The following INSYN2B variants were observed in gnomAD, a reference collection of about 807,000 sequenced individuals.
The protein encoded by INSYN2B is inhibitory synaptic factor family member 2B.
INSYN2B carries 16 observed loss-of-function variants against 41.2 expected under a neutral mutation model. The ratio of observed to expected loss-of-function variants is 0.39; its 90% CI spans 0.26 to 0.59. The LOEUF (loss-of-function observed/expected upper bound fraction) is 0.59, where lower values mean the gene tolerates loss of function less well. Ranked by LOEUF, INSYN2B falls within the 20% of genes least tolerant of loss-of-function variation. The pLI, the probability that INSYN2B is intolerant of heterozygous loss-of-function variation, is 0.57. For synonymous variants in INSYN2B, 245 were observed against 244.4 expected, an observed-to-expected ratio of 1.00 and a Z score of -0.02; for missense variants, 608 against 646.4, an observed-to-expected ratio of 0.94 and a Z score of 0.64.
intron 1 of INSYN2B, among the ~76,000 whole-genome samples, chr5:169,964,800 T>G (rs188086769): frequency 2.0e-5 from 3 of 152,348 alleles, no homozygotes; most frequent in Admixed American, 2.0e-4. Flanking sequence ...AAAAGGTGTA[T>G]AATAATGGCA....
chr5:169,965,978 A>G (rs994802845), intron 1 of INSYN2B, among the ~76,000 whole-genome samples: 9 of 152,186 alleles, frequency 5.9e-5, no homozygotes, highest in Non-Finnish European at 8.8e-5. Context: ...GGGACCTTGG[A>G]GACTCAAAGG....
At chr5:169,873,364 G>A (rs1258297789) in intron 3 of INSYN2B, among the ~76,000 whole-genome samples, 2 of 152,202 alleles carry the variant, frequency 1.3e-5, no homozygotes, top group Admixed American at 6.5e-5. Context: ...CATTTAAGCT[G>A]TGTTTGCTAT....
intron 1 of INSYN2B, among the ~76,000 whole-genome samples, chr5:169,954,925 A>C (rs1221417415): frequency 6.6e-6 from 1 of 152,202 alleles, no homozygotes; most frequent in Admixed American, 6.5e-5. Flanking sequence ...AGACGTTTTC[A>C]CCAGCTGTTA....
intron 1 of INSYN2B, among the ~76,000 whole-genome samples, chr5:169,979,573 C>T (rs1365582690): frequency 6.6e-6 from 1 of 152,136 alleles, no homozygotes; most frequent in African/African-American, 2.4e-5. Flanking sequence ...TCATTCACAT[C>T]GGTGTGATTT....
At chr5:169,886,319 A>G (rs1772968752) in intron 1 of INSYN2B, among the ~76,000 whole-genome samples, 1 of 152,192 alleles carries the variant, frequency 6.6e-6, no homozygotes, top group Non-Finnish European at 1.5e-5. Context: ...AGATGAACCT[A>G]CTGGTCCCGA....
chr5:169,907,099 A>G (rs1055441761), intron 1 of INSYN2B, among the ~76,000 whole-genome samples: 1 of 152,138 alleles, frequency 6.6e-6, no homozygotes, highest in African/African-American at 2.4e-5. Flanking sequence ...GGTTTTAGGA[A>G]CGCCAGTTGA....
chr5:169,975,449 G>C (rs1358848291), intron 1 of INSYN2B, among the ~76,000 whole-genome samples: 1 of 152,152 alleles, frequency 6.6e-6, no homozygotes, highest in Non-Finnish European at 1.5e-5. Flanking sequence ...GGATCAGACT[G>C]CTGCCTGTCT....
Position 169,883,083 on chromosome 5 carries a change from C to T in INSYN2B, c.816G>A (p.Glu272=). Residue 272 remains glutamate, a synonymous_variant, in exon 2 of 4, where the codon GAG becomes GAA. Transcript: ENST00000377365. ...TSVASHTPGT[E]ELKPELLLPK... ...GCAAAAGCAATTCAGGTTTAAGTTC[C>T]TCTGTGCCTGGTGTGTGGCTGGCAA... The T allele has an allele frequency of 1.3e-6, 2 of 1,551,606 alleles. No homozygotes were observed. Among genetic ancestry groups the T allele is most frequent in the Non-Finnish European group, 1.7e-6 (2 of 1,146,954 alleles).
intron 1 of INSYN2B, among the ~76,000 whole-genome samples, chr5:169,900,133 C>G (rs943105455): frequency 7.9e-5 from 12 of 152,196 alleles, no homozygotes; most frequent in Admixed American, 7.2e-4. Flanking sequence ...ATCAGGAACA[C>G]CTCCAAGCTC....
chr5:169,910,304 T>A (rs1774523225), intron 1 of INSYN2B, among the ~76,000 whole-genome samples: 1 of 152,204 alleles, frequency 6.6e-6, no homozygotes, highest in African/African-American at 2.4e-5. Flanking sequence ...ATGGAATATG[T>A]AAGGAAGATC....
chr5:169,885,510 C>T lies in INSYN2B; in HGVS notation c.-918-694G>A, dbSNP rs536477345. ...AACATTTATTTAAGGACAAAATTCT[C>T]CCCTGATGTCTTCATTTCTTATTGC... is the stretch of plus-strand genomic sequence containing the variant. On this transcript the variant is annotated intron_variant, in intron 1 of 3. Coordinates refer to ENST00000377365, the MANE Select transcript of INSYN2B (RefSeq NM_001129891.3). Among the ~76,000 whole-genome samples the T allele has an allele frequency of 2.0e-5, 3 of 152,346 alleles. No individual in the cohort carries two copies. The East Asian group carries it at 5.8e-4, about 29-fold the overall frequency.
At chr5:169,917,319 A>G (rs1046883024) in intron 1 of INSYN2B, among the ~76,000 whole-genome samples, 1 of 152,164 alleles carries the variant, frequency 6.6e-6, no homozygotes, top group African/African-American at 2.4e-5. Flanking sequence ...ATAAATACCA[A>G]TGAATGAATT....
At position 169,940,418 on chromosome 5, in the gene INSYN2B, A is replaced by G. The variant is rs149611755; in HGVS notation, c.-919+39859T>C. On this transcript the variant is annotated intron_variant, in intron 1 of 3. Coordinates refer to ENST00000377365, the MANE Select transcript of INSYN2B (RefSeq NM_001129891.3). ...CCAGGGACCAGTTTCGTGGAAGACA[A>G]TTTTTCCACAGACCGGGAGGAGGAT... 4.8e-4 allele frequency among the ~76,000 whole-genome samples: 73 copies of G among 152,268 alleles called. No individual in the cohort carries two copies. In the East Asian group the frequency reaches 0.012, roughly 26 times the overall value.
intron 1 of INSYN2B, among the ~76,000 whole-genome samples, chr5:169,911,603 T>G (rs1479745736): frequency 6.6e-6 from 1 of 152,244 alleles, no homozygotes. Context: ...AGGCTTCATT[T>G]CACGTGGTGC....
chr5:169,868,240 A>G (rs1414760619), intron 3 of INSYN2B, among the ~76,000 whole-genome samples: 2 of 152,218 alleles, frequency 1.3e-5, no homozygotes, highest in African/African-American at 2.4e-5. Flanking sequence ...GAGATAGGTG[A>G]TTAAGTAACA....
At chr5:169,903,105 A>G (rs1437428793) in intron 1 of INSYN2B, among the ~76,000 whole-genome samples, 2 of 151,906 alleles carry the variant, frequency 1.3e-5, no homozygotes, top group East Asian at 3.9e-4. Flanking sequence ...TCAAAAAAAA[A>G]AGAAAGAAAG....
chr5:169,974,459 A>G (rs13183891), intron 1 of INSYN2B, among the ~76,000 whole-genome samples: 36,391 of 152,134 alleles, frequency 0.24, 4,845 homozygotes, highest in Non-Finnish European at 0.31. Flanking sequence ...TCTAACATGT[A>G]TTTAGCCCTT....
At position 169,926,832 on chromosome 5, in the gene INSYN2B, A is replaced by G. The variant is rs371206209; in HGVS notation, c.-918-42016T>C. ...TCAGGCACTGCAGTGGAAACACAGGATGAACTAGACAATGTCCCTCCCTCT... is the reference window on the plus strand; with the variant it reads ...TCAGGCACTGCAGTGGAAACACAGGGTGAACTAGACAATGTCCCTCCCTCT... On this transcript the variant is annotated intron_variant, in intron 1 of 3. Transcript: ENST00000377365. 1.9e-4 allele frequency among the ~76,000 whole-genome samples: 29 copies of G among 152,338 alleles called. No individual in the cohort carries two copies. In the South Asian group the frequency reaches 2.1e-3, roughly 11 times the overall value.
chr5:169,979,432 A>G (rs1179591851), intron 1 of INSYN2B, among the ~76,000 whole-genome samples: 1 of 152,214 alleles, frequency 6.6e-6, no homozygotes. Flanking sequence ...CACATCAGAG[A>G]AGCAAAATGT....
Sources: allele counts gnomAD v4.1 joint callset (sites outside exome capture counted in the v4.1 genomes callset), GRCh38; gene constraint gnomAD v4.1.1; transcripts MANE v1.5; gene names NCBI Gene and HGNC (gene_info 2026-07-23, HGNC 2026-07-21).